The following ITIH3 variants were observed in gnomAD, a reference collection of about 807,000 sequenced individuals.
ITIH3 encodes the protein inter-alpha-trypsin inhibitor heavy chain H3.
A neutral mutation model predicts 96.5 loss-of-function variants in ITIH3; 81 were observed. The ratio of observed to expected loss-of-function variants is 0.84; its 90% CI spans 0.70 to 1.01. The LOEUF (loss-of-function observed/expected upper bound fraction) is 1.01, where lower values mean the gene tolerates loss of function less well. Among genes scored for constraint, ITIH3 ranks in the 50% least tolerant of loss-of-function variants. The probability of loss-of-function intolerance (pLI) is 0.00; values close to 1 mark genes in which losing one functional copy is unlikely to be tolerated. For synonymous variants in ITIH3, 422 were observed against 445.2 expected (o/e 0.95, Z 0.66); for missense variants, 1,057 against 1,139.3 (o/e 0.93, Z 1.04).
chr3:52,803,799 G>C, intron 13 of ITIH3, 56 bp from the exon 14 acceptor site: 1 of 1,594,320 alleles, frequency 6.3e-7, no homozygotes, highest in Non-Finnish European at 8.6e-7. Context: ...CAGTGCAGGG[G>C]AAGTGGGCAG....
chr3:52,796,987 G>A (rs1053533686), intron 4 of ITIH3, 118 bp from the exon 5 acceptor site: 1 of 1,315,808 alleles, frequency 7.6e-7, no homozygotes, highest in Non-Finnish European at 1.0e-6. Context: ...GCTGAGGCAA[G>A]TGAGGCTCAG....
rs375241452 is a variant in ITIH3 at position 52,799,453 on chromosome 3, A to T, written c.871A>T (p.Ile291Phe). The T allele has an allele frequency of 2.2e-4, 352 of 1,612,666 alleles. No homozygotes were observed. The highest frequency in any genetic ancestry group is 2.9e-4 in the Non-Finnish European group (341 of 1,179,400). ...VPKNVAFVID[I>F]SGSMAGRKLE... The stretch of plus-strand genomic sequence containing the variant: ...TAAGAACGTGGCCTTTGTGATTGAC[A>T]TCAGCGGCTCCATGGCTGGTCGGAA... Residue 291 changes from isoleucine to phenylalanine, a missense_variant, in exon 8 of 22, where the codon ATC becomes TTC. Coordinates refer to ENST00000449956, the MANE Select transcript of ITIH3 (RefSeq NM_002217.4).
At position 52,805,369 on chromosome 3, in the gene ITIH3, G is replaced by C. The variant is rs1318351273; in HGVS notation, c.1874-439G>C. 2.9e-6 allele frequency: 3 copies of C among 1,023,246 alleles called. No individual in the cohort carries two copies. In the African/African-American group the frequency reaches 5.2e-5, roughly 18 times the overall value. 63.4% of individuals were successfully genotyped at this position (1,023,246 alleles called of 1,614,324 possible). ...GAACAGCCCTGATAAATGTACCGGTGCATGTGAGTACATATATGCATGTGC... is the reference window on the plus strand; with the variant it reads ...GAACAGCCCTGATAAATGTACCGGTCCATGTGAGTACATATATGCATGTGC... On this transcript the variant is annotated intron_variant, in intron 15 of 21. Coordinates refer to ENST00000449956, the MANE Select transcript of ITIH3 (RefSeq NM_002217.4).
At position 52,808,152 on chromosome 3, in the gene ITIH3, G is replaced by A. The variant is rs2710330; in HGVS notation, c.2474G>A (p.Arg825Gln). ...QPFDFKVSDI[R>Q]PGSDPTKPDA... ...TTTGACTTTAAAGTGTCTGACATCC[G>A]GCCAGGCTCTGACCCCACAAAGCCA... The change falls in exon 21 of 22, where the codon CGG becomes CAG. Residue 825 changes from arginine to glutamine, a missense_variant. Transcript: ENST00000449956. 3,759 of 1,614,144 alleles carry A rather than the reference G, an allele frequency of 2.3e-3. 88 individuals carry two copies. The African/African-American group carries it at 0.045, about 19-fold the overall frequency.
intron 19 of ITIH3, 82 bp downstream of exon 19, chr3:52,807,187 G>A: frequency 1.7e-6 from 2 of 1,209,516 alleles, no homozygotes; most frequent in Non-Finnish European, 2.4e-6. Flanking sequence ...AAAAATCCCA[G>A]GACAGGAGAT....
intron 1 of ITIH3, 133 bp from the exon 2 acceptor site, chr3:52,795,470 G>C: frequency 1.1e-6 from 1 of 881,382 alleles, no homozygotes. Context: ...TCCTATGTCT[G>C]GGGGCCACTC....
At chr3:52,797,340 A>T in intron 5 of ITIH3, 73 bp downstream of exon 5, 6 of 1,472,734 alleles carry the variant, frequency 4.1e-6, no homozygotes, top group Non-Finnish European at 5.5e-6. Flanking sequence ...GCAGTCTCAG[A>T]CAGGGGTCAA....
intron 14 of ITIH3, chr3:52,804,449 G>C: frequency 2.1e-6 from 1 of 480,526 alleles, no homozygotes; most frequent in South Asian, 2.7e-5. Flanking sequence ...TCAACAGGGG[G>C]TCCCAAATGC....
intron 15 of ITIH3, 188 bp from the exon 16 acceptor site, chr3:52,805,620 A>G (rs1700008241): frequency 7.1e-7 from 1 of 1,406,304 alleles, no homozygotes; most frequent in East Asian, 2.6e-5. Context: ...CATTGCCACC[A>G]GCCCCATAAA....
rs371504129 is a variant in ITIH3 at position 52,795,641 on chromosome 3, G to C, written c.114+18G>C. On this transcript the variant is annotated intron_variant, in intron 2 of 21. Coordinates refer to ENST00000449956, the MANE Select transcript of ITIH3 (RefSeq NM_002217.4). ...CGGAAGGGGTAAGAACTTTCACCAG[G>C]GGGTGGGACCGAGTGGGGCAGGGCA... is the stretch of plus-strand genomic sequence containing the variant. The C allele has an allele frequency of 1.1e-3, 1,702 of 1,611,578 alleles. 1 individual carries two copies. The highest frequency in any genetic ancestry group is 1.4e-3 in the Non-Finnish European group (1,643 of 1,178,720).
chr3:52,799,106 T>C lies in ITIH3; in HGVS notation c.789+15T>C. 6.2e-7 allele frequency: 1 copy of C among 1,612,644 alleles called. No homozygotes were observed. Among genetic ancestry groups the C allele is most frequent in the Non-Finnish European group, 8.5e-7 (1 of 1,179,402 alleles). ...GCAACGTGCAGGTACCCGGGCTGGC[T>C]GATTCATCATCAGGGTGGGGCGAGG... On this transcript the variant is annotated intron_variant, in intron 7 of 21. Coordinates refer to ENST00000449956, the MANE Select transcript of ITIH3 (RefSeq NM_002217.4).
In ITIH3 at chr3:52,806,101, A is replaced by C. The variant is rs758113170; in HGVS notation, c.1907-2A>C. 6 of 1,599,124 alleles carry C rather than the reference A, an allele frequency of 3.8e-6. No homozygotes were observed. The highest frequency in any genetic ancestry group is 5.1e-6 in the Non-Finnish European group (6 of 1,172,692). On this transcript the variant is annotated splice_acceptor_variant, in intron 16 of 21. Transcript: ENST00000449956. LOFTEE classifies it high-confidence loss of function. ...CAGCCCTCTCTCCCTTTGTATCTGCAGCCAGCTACCAGCCTCCTCAAAACC... is the reference window on the plus strand; with the variant it reads ...CAGCCCTCTCTCCCTTTGTATCTGCCGCCAGCTACCAGCCTCCTCAAAACC...
chr3:52,797,775 C>T, intron 5 of ITIH3, 42 bp from the exon 6 acceptor site: 1 of 1,307,388 alleles, frequency 7.6e-7, no homozygotes, highest in Admixed American at 1.9e-5. Context: ...GAACTGGCCT[C>T]TGAGGTCACT....
chr3:52,802,214 G>C (rs1699855046), intron 11 of ITIH3, 120 bp from the exon 12 acceptor site: 3 of 1,036,556 alleles, frequency 2.9e-6, no homozygotes, highest in Non-Finnish European at 4.2e-6. Context: ...GTCAGGGACA[G>C]GCAGAGTGAA....
Position 52,799,855 on chromosome 3 carries a change from G to A in ITIH3, c.1009G>A (p.Val337Ile), listed in dbSNP as rs1415324924. 1.2e-6 allele frequency: 2 copies of A among 1,613,808 alleles called. No homozygotes were observed. Among genetic ancestry groups the A allele is most frequent in the African/African-American group, 1.3e-5 (1 of 74,932 alleles). Residue 337 changes from valine to isoleucine, a missense_variant, in exon 9 of 22, where the codon GTC becomes ATC. By Grantham distance (29) the Val-to-Ile change is conservative (BLOSUM62 3). Transcript: ENST00000449956. ...GDVSTWKEHL[V>I]QATPENLQEA... ...TGTGTCCACATGGAAAGAGCACTTA[G>A]TCCAGGCCACGCCCGAGAACCTCCA...
rs1699747393 is a variant in ITIH3, at chr3:52,799,784, A to G, written c.938A>G (p.Asp313Gly). The change falls in exon 9 of 22, where the codon GAT becomes GGT. Residue 313 changes from aspartate (D) to glycine (G), a missense_variant. Physicochemically the swap from Asp to Gly is moderately conservative, Grantham distance 94. Transcript: ENST00000449956. ...TKEALLRILE[D>G]MQEEDYLNFI... Reference sequence around the variant, plus strand: ...GAGGCCCTTCTCAGAATCCTGGAAGATATGCAAGAGGAAGACTATCTGAAT... The same window carrying G: ...GAGGCCCTTCTCAGAATCCTGGAAGGTATGCAAGAGGAAGACTATCTGAAT... The G allele has an allele frequency of 6.2e-7, 1 of 1,613,384 alleles. No individual in the cohort carries two copies. The highest frequency in any genetic ancestry group is 8.5e-7 in the Non-Finnish European group (1 of 1,179,680).
intron 8 of ITIH3, 44 bp downstream of exon 8, chr3:52,799,532 G>A: frequency 3.4e-5 from 48 of 1,411,306 alleles, no homozygotes; most frequent in Non-Finnish European, 4.7e-5. Flanking sequence ...GGTAGTAGGG[G>A]GTGGAAGAGA....
rs745822657 is a variant in ITIH3 at position 52,795,588 on chromosome 3, T to C, written c.94-15T>C. 1.2e-6 allele frequency: 2 copies of C among 1,609,874 alleles called. No homozygotes were observed. Among genetic ancestry groups the C allele is most frequent in the African/African-American group, 1.3e-5 (1 of 74,876 alleles). ...GGCCTGATTCCTGTGTTTGTGTTTGTTTTTGTTTTTTCAGAAACGGAGCCT... is the reference window on the plus strand; with the variant it reads ...GGCCTGATTCCTGTGTTTGTGTTTGCTTTTGTTTTTTCAGAAACGGAGCCT... On this transcript the variant is annotated splice_polypyrimidine_tract_variant and intron_variant, in intron 1 of 21. Transcript: ENST00000449956.
chr3:52,803,560 T>C (rs1299933335), intron 13 of ITIH3, among the ~76,000 whole-genome samples: 7 of 152,096 alleles, frequency 4.6e-5, no homozygotes, highest in African/African-American at 1.2e-4. Context: ...CTCAGGTGAT[T>C]CACCCGCCTT....
Sources: gnomAD v4.1 joint callset for allele counts (sites outside exome capture counted in the v4.1 genomes callset) on GRCh38, gnomAD v4.1.1 for gene constraint, MANE v1.5 for transcripts, NCBI Gene and HGNC (gene_info 2026-07-23, HGNC 2026-07-21) for gene names.